Variants in MGAT4C observed in about 807,000 individuals in gnomAD.
MGAT4C encodes the protein MGAT4 family member C, also known as alpha-1,3-mannosyl-glycoprotein 4-beta-N-acetylglucosaminyltransferase C.
In MGAT4C, 19 loss-of-function variants were observed where a neutral mutation model predicts 40.1. The observed-to-expected ratio is 0.47, with a 90% CI of 0.33 to 0.70. The LOEUF (loss-of-function observed/expected upper bound fraction) is 0.70. Ranked by LOEUF, MGAT4C falls within the 30% of genes least tolerant of loss-of-function variation. MGAT4C has a pLI of 0.02. For synonymous variants in MGAT4C, 181 were observed against 187.1 expected, an observed-to-expected ratio of 0.97 and a Z score of 0.27; for missense variants, 491 against 563.2, an observed-to-expected ratio of 0.87 and a Z score of 1.30.
chr12:86,215,768 G>T lies in MGAT4C; in HGVS notation c.-57+40471C>A, dbSNP rs150216647. ...TAGTGTTTTCTTTTAACAGTTTTGT[G>T]TCAAAAGTGGGGTCCAAAGTAGTCC... On this transcript the variant is annotated intron_variant, in intron 1 of 4. Coordinates refer to ENST00000611864, the MANE Select transcript of MGAT4C (RefSeq NM_001351288.2). Among the ~76,000 whole-genome samples the T allele has an allele frequency of 5.9e-5, 9 of 152,054 alleles. No individual in the cohort carries two copies. The East Asian group carries it at 1.7e-3, about 29-fold the overall frequency.
chr12:86,452,341 T>A (rs1374308888), intron 2 of MGAT4C, among the ~76,000 whole-genome samples: 1 of 151,804 alleles, frequency 6.6e-6, no homozygotes, highest in Non-Finnish European at 1.5e-5. Context: ...TATCTCTTAA[T>A]GCTATCCCAC....
intron 3 of MGAT4C, among the ~76,000 whole-genome samples, chr12:86,357,798 G>A (rs999273480): frequency 2.0e-5 from 3 of 152,050 alleles, no homozygotes; most frequent in African/African-American, 7.2e-5. Flanking sequence ...AAAAAGAATC[G>A]AACAAAGCCT....
chr12:86,660,861 A>T (rs990273047), intron 2 of MGAT4C, among the ~76,000 whole-genome samples: 1 of 152,174 alleles, frequency 6.6e-6, no homozygotes, highest in Non-Finnish European at 1.5e-5. Flanking sequence ...CCTTATCCAT[A>T]TGTAGACCAT....
intron 4 of MGAT4C, among the ~76,000 whole-genome samples, chr12:86,286,216 C>T (rs1008091975): frequency 7.9e-5 from 12 of 152,040 alleles, no homozygotes; most frequent in Non-Finnish European, 1.5e-4. Context: ...ACGTTTTATA[C>T]ACATTAAAAT....
chr12:86,024,810 A>T (rs1890103432), intron 2 of MGAT4C, among the ~76,000 whole-genome samples: 1 of 151,896 alleles, frequency 6.6e-6, no homozygotes, highest in East Asian at 1.9e-4. Flanking sequence ...AGGGACATTT[A>T]TAGTAATGGT....
intron 1 of MGAT4C, among the ~76,000 whole-genome samples, chr12:86,772,600 C>A (rs935135636): frequency 6.8e-6 from 1 of 147,850 alleles, no homozygotes; most frequent in African/African-American, 2.5e-5. Flanking sequence ...GGCTGCCACC[C>A]TGAGGGGGCC....
intron 1 of MGAT4C, among the ~76,000 whole-genome samples, chr12:86,093,924 A>C (rs1592920092): frequency 6.6e-6 from 1 of 152,150 alleles, no homozygotes; most frequent in South Asian, 2.1e-4. Context: ...ATATGCTATA[A>C]ATTTTACATT....
chr12:86,194,456 A>ATTT (rs763005541), intron 1 of MGAT4C, among the ~76,000 whole-genome samples: 3 of 142,794 alleles, frequency 2.1e-5, no homozygotes, highest in Non-Finnish European at 3.1e-5. Context: ...GAGCAAATCA[A>ATTT]TTTTTTTTTT....
intron 4 of MGAT4C, among the ~76,000 whole-genome samples, chr12:86,323,494 G>A (rs1954445630): frequency 6.6e-6 from 1 of 151,422 alleles, no homozygotes; most frequent in Admixed American, 6.6e-5. Flanking sequence ...TTTTCAATAT[G>A]CAGAAGGCAA....
intron 2 of MGAT4C, among the ~76,000 whole-genome samples, chr12:86,649,201 A>C (rs1195496990): frequency 6.6e-6 from 1 of 151,788 alleles, no homozygotes; most frequent in African/African-American, 2.4e-5. Flanking sequence ...TCTGTACTTC[A>C]GACCACTCTG....
At chr12:86,729,163 A>G (rs1379774285) in intron 1 of MGAT4C, among the ~76,000 whole-genome samples, 1 of 152,194 alleles carries the variant, frequency 6.6e-6, no homozygotes, top group Non-Finnish European at 1.5e-5. Flanking sequence ...CCACAGGGTA[A>G]GTATAGTCAA....
intron 1 of MGAT4C, among the ~76,000 whole-genome samples, chr12:86,061,065 G>T (rs1893906940): frequency 6.6e-6 from 1 of 152,182 alleles, no homozygotes; most frequent in Admixed American, 6.5e-5. Context: ...GACAGACACT[G>T]TCTGTGGTGG....
intron 4 of MGAT4C, among the ~76,000 whole-genome samples, chr12:86,301,421 C>G (rs1329915128): frequency 1.3e-5 from 2 of 152,144 alleles, no homozygotes; most frequent in Non-Finnish European, 2.9e-5. Context: ...AAAGTCAATT[C>G]CAGTTCATAC....
At chr12:86,691,048 C>T (rs1056246349) in intron 2 of MGAT4C, among the ~76,000 whole-genome samples, 6 of 152,128 alleles carry the variant, frequency 3.9e-5, no homozygotes, top group Admixed American at 1.3e-4. Context: ...ATAAATGGCA[C>T]GATAGTTTAC....
intron 1 of MGAT4C, among the ~76,000 whole-genome samples, chr12:86,249,693 A>AT (rs1952185620): frequency 6.6e-6 from 1 of 152,118 alleles, no homozygotes; most frequent in Non-Finnish European, 1.5e-5. Context: ...GCCTTTGCTT[A>AT]TGATAAGCAA....
chr12:86,800,748 G>A lies in MGAT4C; in HGVS notation c.-262+37918C>T, dbSNP rs575784658. Among the ~76,000 whole-genome samples, 3 of 152,034 alleles carry A rather than the reference G, an allele frequency of 2.0e-5. No individual in the cohort carries two copies. The South Asian group carries it at 6.2e-4, about 32-fold the overall frequency. ...AAAACAAATTAGAACTGAGAGGTCA[G>A]AGTATTGAAAAGAGCCTGACAAAGA... On this transcript the variant is annotated intron_variant, in intron 1 of 7. Coordinates refer to the MGAT4C transcript ENST00000548651.
At chr12:86,272,599 C>T (rs1274200321) in intron 4 of MGAT4C, among the ~76,000 whole-genome samples, 3 of 151,970 alleles carry the variant, frequency 2.0e-5, no homozygotes, top group African/African-American at 4.8e-5. Context: ...GCCTATAATT[C>T]CAGTACTTTG....
At chr12:86,360,858 C>T (rs189389176) in intron 3 of MGAT4C, among the ~76,000 whole-genome samples, 3 of 150,774 alleles carry the variant, frequency 2.0e-5, no homozygotes, top group African/African-American at 4.8e-5. Context: ...AATGGACGAA[C>T]GTTCCATGCT....
chr12:86,407,593 G>T (rs1476835085), intron 3 of MGAT4C, among the ~76,000 whole-genome samples: 1 of 151,942 alleles, frequency 6.6e-6, no homozygotes, highest in East Asian at 1.9e-4. Flanking sequence ...TGAAGTGGAG[G>T]TTACTGGAGT....
Sources: gnomAD v4.1 joint callset for allele counts (sites outside exome capture counted in the v4.1 genomes callset) on GRCh38, gnomAD v4.1.1 for gene constraint, MANE v1.5 for transcripts, NCBI Gene and HGNC (gene_info 2026-07-23, HGNC 2026-07-21) for gene names.